KDM5A: variants seen among roughly 807,000 people sequenced by gnomAD.
KDM5A encodes lysine-specific demethylase 5A.
KDM5A carries 42 observed loss-of-function variants against 193.5 expected under a neutral mutation model. That is an observed-to-expected ratio of 0.22 (90% confidence interval 0.17 to 0.28). KDM5A has a LOEUF of 0.28. KDM5A is among the 10% of genes least tolerant of loss of function. The probability of loss-of-function intolerance (pLI) is 1.00; values close to 1 mark genes in which losing one functional copy is unlikely to be tolerated. For synonymous variants in KDM5A, 796 were observed against 718.1 expected (o/e 1.11, Z -1.73); for missense variants, 1,692 against 2,055.1 (o/e 0.82, Z 3.42).
rs181929201 is a variant in KDM5A, at chr12:339,025, A to G, written c.1309-4603T>C. 3.3e-5 allele frequency among the ~76,000 whole-genome samples: 5 copies of G among 152,132 alleles called. No homozygotes were observed. In the East Asian group the frequency reaches 7.7e-4, roughly 24 times the overall value. The stretch of plus-strand genomic sequence containing the variant: ...AGAAACCCCATCTCTACTAAAATAC[A>G]TAAGTAGCCGGGCGTGGTGGTGCGT... On this transcript the variant is annotated intron_variant, in intron 10 of 27. Transcript: ENST00000399788.
rs201382114 is a variant in KDM5A at position 350,759 on chromosome 12, T to C, written c.1170A>G (p.Val390=). Residue 390 remains valine (V), a synonymous_variant, in exon 10 of 28, where the codon GTA becomes GTG. Transcript: ENST00000399788. Reference sequence around the variant, plus strand: ...TTACCAGCCGCCAAAATTCCTTTTCTACTAGTTCTGTGGGAACCATCTACA... The same window carrying C: ...TTACCAGCCGCCAAAATTCCTTTTCCACTAGTTCTGTGGGAACCATCTACA... The part of the protein sequence containing the change: ...MPVHMVPTEL[V]EKEFWRLVSS... 3.0e-5 allele frequency: 48 copies of C among 1,614,076 alleles called. No homozygotes were observed. Among genetic ancestry groups the C allele is most frequent in the Non-Finnish European group, 3.6e-5 (42 of 1,179,968 alleles).
chr12:313,728 T>C (rs1321820724), intron 19 of KDM5A, among the ~76,000 whole-genome samples: 6 of 152,192 alleles, frequency 3.9e-5, no homozygotes, highest in African/African-American at 9.7e-5. Context: ...TGAATCACAA[T>C]AGAAGATAAG....
chr12:305,162 T>C (rs1460543726), intron 24 of KDM5A, among the ~76,000 whole-genome samples: 1 of 152,186 alleles, frequency 6.6e-6, no homozygotes, highest in Non-Finnish European at 1.5e-5. Flanking sequence ...GTAATGCCTC[T>C]TTTCTTAATA....
chr12:321,209 A>G (rs1025118553), intron 17 of KDM5A, 100 bp from the exon 18 acceptor site: 8 of 824,440 alleles, frequency 9.7e-6, no homozygotes, highest in Non-Finnish European at 1.7e-5. Context: ...AAGCAATCCT[A>G]GAATCCCAGT....
chr12:349,712 C>T (rs200432524), intron 10 of KDM5A, among the ~76,000 whole-genome samples: 19 of 115,532 alleles, frequency 1.6e-4, no homozygotes, highest in African/African-American at 2.6e-4. Flanking sequence ...TTTTTTTTTT[C>T]CTTTTTTTTA....
At chr12:388,442 ATAAT>A in intron 1 of KDM5A, 2 of 396,892 alleles carry the variant, frequency 5.0e-6, no homozygotes, top group Non-Finnish European at 5.0e-6. Context: ...CACTGCGGCA[ATAAT>A]TAGTCTGGAG....
intron 27 of KDM5A, among the ~76,000 whole-genome samples, chr12:287,500 A>AC (rs1276008485): frequency 1.3e-5 from 2 of 150,836 alleles, no homozygotes; most frequent in Non-Finnish European, 3.0e-5. Flanking sequence ...CAGAGACCAA[A>AC]AAAAAAAAAA....
chr12:356,192 A>G (rs1240352403), intron 6 of KDM5A, among the ~76,000 whole-genome samples: 1 of 152,198 alleles, frequency 6.6e-6, no homozygotes, highest in African/African-American at 2.4e-5. Flanking sequence ...TGTGTGTCAT[A>G]TATTACACAG....
intron 3 of KDM5A, among the ~76,000 whole-genome samples, chr12:370,829 T>C (rs1307523755): frequency 6.6e-6 from 1 of 152,190 alleles, no homozygotes; most frequent in Non-Finnish European, 1.5e-5. Flanking sequence ...AGTGTTCTCA[T>C]TGTTCAATTC....
chr12:287,972 T>C lies in KDM5A; in HGVS notation c.4867-2310A>G, dbSNP rs571394816. Among the ~76,000 whole-genome samples the C allele has an allele frequency of 3.9e-5, 6 of 152,306 alleles. No individual in the cohort carries two copies. The East Asian group carries it at 9.6e-4, about 24-fold the overall frequency. On this transcript the variant is annotated intron_variant, in intron 27 of 27. Transcript: ENST00000399788. ...GGTCCCTTCCTAAGCCCAGATCTTC[T>C]ACCATTTCAAAAGAGTATATAACCT...
intron 27 of KDM5A, among the ~76,000 whole-genome samples, chr12:288,949 T>C (rs1019398736): frequency 9.9e-5 from 15 of 152,226 alleles, no homozygotes; most frequent in African/African-American, 3.6e-4. Flanking sequence ...TACACACATT[T>C]AGGTAACTTA....
intron 13 of KDM5A, among the ~76,000 whole-genome samples, chr12:330,085 G>GTGTGTGTGTGTGTGTGTGTGTGTATATA (rs377271333): frequency 4.3e-5 from 6 of 139,322 alleles, no homozygotes; most frequent in Non-Finnish European, 9.2e-5. Flanking sequence ...GTGTGTGTGT[G>GTGTGTGTGTGTGTGTGTGTGTGTATATA]TATATATATA....
chr12:352,151 AC>A (rs1384126839), intron 9 of KDM5A, 53 bp downstream of exon 9: 2 of 1,235,228 alleles, frequency 1.6e-6, no homozygotes, highest in African/African-American at 3.1e-5. Flanking sequence ...AAGGCTTTGT[AC>A]TCAGGTAAAT....
In KDM5A at chr12:322,453, A is replaced by G. The variant is rs1279143148; in HGVS notation, c.2390T>C (p.Val797Ala). 3 of 1,613,506 alleles carry G rather than the reference A, an allele frequency of 1.9e-6. No homozygotes were observed. Among genetic ancestry groups the G allele is most frequent in the Non-Finnish European group, 2.5e-6 (3 of 1,179,964 alleles). Residue 797 changes from valine to alanine, a missense_variant, in exon 17 of 28, where the codon GTG (valine) becomes GCG (alanine). This residue lies in a region of KDM5A where 965 missense variants were observed against 1,061.0 expected (regional missense o/e 0.91). Transcript: ENST00000399788. ...CTTTTTGCTCAGAAGCAGCTGAGCC[A>G]CAGAAGCACAGGTCTCAGCTTCTTT... ...AVKEAETCASVAQLLLSKKQK... is the reference protein window; with the variant it reads ...AVKEAETCASAAQLLLSKKQK...
chr12:325,496 G>A (rs574891547), intron 14 of KDM5A, among the ~76,000 whole-genome samples: 5 of 129,008 alleles, frequency 3.9e-5, no homozygotes, highest in East Asian at 2.7e-4. Context: ...CAGCTTGATG[G>A]TGAAACTTTG....
At chr12:374,589 G>A (rs968187862) in intron 3 of KDM5A, among the ~76,000 whole-genome samples, 1 of 152,112 alleles carries the variant, frequency 6.6e-6, no homozygotes, top group Non-Finnish European at 1.5e-5. Flanking sequence ...GGTTAATACT[G>A]TTATGTGTGA....
intron 3 of KDM5A, among the ~76,000 whole-genome samples, chr12:374,270 T>C (rs1410830467): frequency 1.3e-5 from 2 of 152,226 alleles, no homozygotes; most frequent in Non-Finnish European, 2.9e-5. Flanking sequence ...TGCTCCTGTA[T>C]TGGGTGCATA....
intron 26 of KDM5A, 101 bp from the exon 27 acceptor site, chr12:293,270 CAG>C (rs1367809453): frequency 6.8e-6 from 7 of 1,031,402 alleles, no homozygotes; most frequent in Admixed American, 2.6e-5. Flanking sequence ...TTCGGAGAGA[CAG>C]AAAGTCGAAC....
At chr12:361,543 A>T (rs1944295331) in intron 5 of KDM5A, among the ~76,000 whole-genome samples, 1 of 152,132 alleles carries the variant, frequency 6.6e-6, no homozygotes, top group African/African-American at 2.4e-5. Context: ...TAGGCAAGAC[A>T]TCTTCATGGT....
Sources: gnomAD v4.1 joint callset for allele counts (sites outside exome capture counted in the v4.1 genomes callset) on GRCh38, gnomAD v4.1.1 for gene constraint, gnomAD v4.1.1 regional missense constraint, MANE v1.5 for transcripts, NCBI Gene and HGNC (gene_info 2026-07-23, HGNC 2026-07-21) for gene names.